The following MLLT3 variants were observed in gnomAD, a reference collection of about 807,000 sequenced individuals.
MLLT3 encodes MLLT3 super elongation complex subunit, also known as protein AF-9.
MLLT3 carries 4 observed loss-of-function variants against 53.2 expected under a neutral mutation model. That is an observed-to-expected ratio of 0.08 (90% CI 0.04 to 0.17). The LOEUF (loss-of-function observed/expected upper bound fraction) is 0.17. MLLT3 is among the 10% of genes least tolerant of loss of function. The pLI is 1.00. For missense variants in MLLT3, 569 were observed against 684.0 expected, an observed-to-expected ratio of 0.83 and a Z score of 1.87; for synonymous variants, 283 against 230.6, an observed-to-expected ratio of 1.23 and a Z score of -2.06.
At chr9:20,622,024 CGTGTGTGAGT>C (rs977598441) in intron 1 of MLLT3, 8 of 880,362 alleles carry the variant, frequency 9.1e-6, no homozygotes, top group African/African-American at 6.6e-5. Context: ...CGAGTGTGAG[CGTGTGTGAGT>C]GTGTGTGTGT....
intron 4 of MLLT3, among the ~76,000 whole-genome samples, chr9:20,439,417 G>A (rs548000265): frequency 6.9e-6 from 1 of 145,522 alleles, no homozygotes; most frequent in Non-Finnish European, 1.5e-5. Flanking sequence ...CTGATCTATG[G>A]ACTAAACAGT....
At chr9:20,376,836 T>C (rs534495454) in intron 5 of MLLT3, among the ~76,000 whole-genome samples, 1 of 152,322 alleles carries the variant, frequency 6.6e-6, no homozygotes, top group East Asian at 1.9e-4. Context: ...TGTTCTAAGA[T>C]CACTGGCTGA....
At chr9:20,436,178 G>T (rs530009434) in intron 4 of MLLT3, among the ~76,000 whole-genome samples, 1 of 152,148 alleles carries the variant, frequency 6.6e-6, no homozygotes, top group South Asian at 2.1e-4. Flanking sequence ...GATTAATGTT[G>T]CATTAACCAT....
intron 5 of MLLT3, 108 bp from the exon 6 acceptor site, chr9:20,365,852 C>T (rs1029284509): frequency 1.9e-6 from 2 of 1,041,030 alleles, no homozygotes; most frequent in Non-Finnish European, 2.9e-6. Flanking sequence ...AACCGTGATG[C>T]ATTTCATTAT....
chr9:20,593,394 A>C (rs1055448591), intron 2 of MLLT3, among the ~76,000 whole-genome samples: 1 of 152,224 alleles, frequency 6.6e-6, no homozygotes, highest in African/African-American at 2.4e-5. Context: ...GCTTAGCATC[A>C]AGAAAGTCTT....
intron 2 of MLLT3, among the ~76,000 whole-genome samples, chr9:20,563,547 A>G (rs1819274408): frequency 1.3e-5 from 2 of 152,142 alleles, no homozygotes; most frequent in South Asian, 4.1e-4. Context: ...CCACAGAGAC[A>G]TCTGGAACAA....
intron 5 of MLLT3, among the ~76,000 whole-genome samples, chr9:20,367,388 G>T (rs1205168760): frequency 6.6e-6 from 1 of 152,112 alleles, no homozygotes; most frequent in African/African-American, 2.4e-5. Context: ...AAAATTAGGG[G>T]TCTGTCTTGT....
intron 2 of MLLT3, among the ~76,000 whole-genome samples, chr9:20,573,376 C>T (rs559984054): frequency 8.1e-4 from 124 of 152,170 alleles, no homozygotes; most frequent in Admixed American, 1.4e-3. Flanking sequence ...AGATGGGTTT[C>T]ACCATGTTGC....
chr9:20,603,219 A>C (rs1004267574), intron 2 of MLLT3, among the ~76,000 whole-genome samples: 7 of 152,046 alleles, frequency 4.6e-5, no homozygotes, highest in African/African-American at 1.7e-4. Context: ...ACATATAGCC[A>C]CATTGTTTTT....
At chr9:20,429,079 A>G (rs548677271) in intron 4 of MLLT3, among the ~76,000 whole-genome samples, 4 of 152,294 alleles carry the variant, frequency 2.6e-5, no homozygotes, top group African/African-American at 7.2e-5. Flanking sequence ...AATAGAAAAG[A>G]CAGGCAGGTA....
At chr9:20,500,219 G>A (rs1369033038) in intron 2 of MLLT3, among the ~76,000 whole-genome samples, 2 of 152,172 alleles carry the variant, frequency 1.3e-5, no homozygotes, top group African/African-American at 4.8e-5. Flanking sequence ...AGGGCTAGCA[G>A]GGCAAAGGTC....
chr9:20,542,095 G>C (rs928615750), intron 2 of MLLT3, among the ~76,000 whole-genome samples: 1 of 152,144 alleles, frequency 6.6e-6, no homozygotes, highest in Non-Finnish European at 1.5e-5. Context: ...TTATATAATA[G>C]TAAGTGAAAG....
intron 10 of MLLT3, 23 bp from the exon 11 acceptor site, chr9:20,346,597 G>A: frequency 6.2e-7 from 1 of 1,608,370 alleles, no homozygotes; most frequent in Non-Finnish European, 8.5e-7. Flanking sequence ...AGAAGAGAAA[G>A]TTTGGGCAAT....
chr9:20,460,118 C>A (rs548697117), intron 2 of MLLT3, among the ~76,000 whole-genome samples: 3 of 152,236 alleles, frequency 2.0e-5, no homozygotes, highest in Admixed American at 1.3e-4. Context: ...TAAAGCAATT[C>A]TTTTTTAAAC....
chr9:20,461,304 T>C lies in MLLT3; in HGVS notation c.194-4518A>G, dbSNP rs190144418. Among the ~76,000 whole-genome samples the C allele has an allele frequency of 2.9e-3, 438 of 152,244 alleles. 5 individuals carry two copies. The highest frequency in any genetic ancestry group is 3.6e-3 in the Non-Finnish European group (248 of 68,018). ...TATGTAGTATGATGCTAACCATACA[T>C]TGACCAATAACCTATTTAATTTTTA... On this transcript the variant is annotated intron_variant, in intron 2 of 10. Transcript: ENST00000380338.
intron 2 of MLLT3, among the ~76,000 whole-genome samples, chr9:20,477,607 C>T (rs1313584093): frequency 1.3e-5 from 2 of 151,896 alleles, no homozygotes; most frequent in African/African-American, 4.8e-5. Flanking sequence ...AATAGCCCTC[C>T]TCTCCTATAT....
intron 2 of MLLT3, among the ~76,000 whole-genome samples, chr9:20,580,852 C>A (rs1037294137): frequency 1.3e-5 from 2 of 152,210 alleles, no homozygotes; most frequent in Non-Finnish European, 2.9e-5. Flanking sequence ...TTCAGAGGAA[C>A]TGAACCAGAA....
chr9:20,425,508 CTTTGTGAAATACATT>C lies in MLLT3; in HGVS notation c.421-11098_421-11084del, dbSNP rs143397629. ...CATGCACTCATTTGCACTTTAGAGACTTTGTGAAATACATTTTGCATTAGAAAAATAAAAAGATAA... is the reference window on the plus strand; with the variant it reads ...CATGCACTCATTTGCACTTTAGAGACTTGCATTAGAAAAATAAAAAGATAA... On this transcript the variant is annotated intron_variant, in intron 4 of 10. Coordinates refer to ENST00000380338, the MANE Select transcript of MLLT3 (RefSeq NM_004529.4). Among the ~76,000 whole-genome samples the C allele has an allele frequency of 3.6e-4, 55 of 152,054 alleles. No individual in the cohort carries two copies. The Middle Eastern group carries it at 0.014, about 38-fold the overall frequency.
At chr9:20,396,982 A>G (rs1243973820) in intron 5 of MLLT3, among the ~76,000 whole-genome samples, 1 of 152,150 alleles carries the variant, frequency 6.6e-6, no homozygotes, top group Non-Finnish European at 1.5e-5. Flanking sequence ...GCTTTAACTG[A>G]AAATTTATAA....
Sources: allele counts gnomAD v4.1 joint callset (sites outside exome capture counted in the v4.1 genomes callset), GRCh38; gene constraint gnomAD v4.1.1; transcripts MANE v1.5; gene names NCBI Gene and HGNC (gene_info 2026-07-23, HGNC 2026-07-21).